Variants in ZNF292 observed in about 807,000 individuals in gnomAD.
ZNF292 encodes 16 zinc-finger domain protein.
ZNF292 carries 26 observed loss-of-function variants against 217.9 expected under a neutral mutation model. That is an observed-to-expected ratio of 0.12 (90% CI 0.09 to 0.17). The LOEUF (loss-of-function observed/expected upper bound fraction) is 0.17, where lower values mean the gene tolerates loss of function less well. Ranked by LOEUF, ZNF292 falls within the 10% of genes least tolerant of loss-of-function variation. ZNF292 has a pLI of 1.00. For synonymous variants in ZNF292, 1,257 were observed against 1,124.1 expected (o/e 1.12, Z -2.37); for missense variants, 2,904 against 3,175.2 (o/e 0.91, Z 2.05).
At chr6:87,252,308 C>T (rs1401033125) in intron 7 of ZNF292, among the ~76,000 whole-genome samples, 2 of 151,900 alleles carry the variant, frequency 1.3e-5, no homozygotes, top group Non-Finnish European at 2.9e-5. Flanking sequence ...CCCGCCACCA[C>T]GCCTGGCTAA....
chr6:87,173,997 GT>G (rs1276937356), intron 1 of ZNF292: 3 of 266,822 alleles, frequency 1.1e-5, no homozygotes, highest in African/African-American at 4.7e-5. Context: ...CTGCTTCAAT[GT>G]TAAGATTAAT....
chr6:87,185,714 C>T (rs1245867431), intron 1 of ZNF292, among the ~76,000 whole-genome samples: 2 of 152,192 alleles, frequency 1.3e-5, no homozygotes, highest in African/African-American at 2.4e-5. Context: ...AGCGATCTAC[C>T]CACTTCAGCT....
chr6:87,210,021 C>G (rs181374975), intron 1 of ZNF292, among the ~76,000 whole-genome samples: 8 of 152,298 alleles, frequency 5.3e-5, no homozygotes, highest in African/African-American at 1.9e-4. Flanking sequence ...GTAATTTAAT[C>G]CCCATGTTTA....
chr6:87,237,252 G>GT (rs924067991), intron 5 of ZNF292, among the ~76,000 whole-genome samples: 15 of 151,778 alleles, frequency 9.9e-5, no homozygotes, highest in Non-Finnish European at 2.1e-4. Context: ...TTGTTTGTTT[G>GT]TTTTTTTGGA....
chr6:87,233,696 ATTATATG>A, intron 5 of ZNF292, 169 bp downstream of exon 5: 1 of 965,214 alleles, frequency 1.0e-6, no homozygotes, highest in Non-Finnish European at 1.2e-6. Flanking sequence ...AGCTTTTAGA[ATTATATG>A]TAAACTGATT....
In ZNF292 at chr6:87,257,254, A is replaced by G. The variant is rs763512955; in HGVS notation, c.3625A>G (p.Ser1209Gly). ...VSTPLLSSME[S>G]VINPNITSQD... is the part of the protein sequence containing the mutation. ...AACTCCATTGTTGTCCTCAATGGAA[A>G]GTGTCATAAATCCAAATATAACTTC... Residue 1209 changes from serine to glycine, a missense_variant, in exon 8 of 8, where the codon AGT becomes GGT. Around this residue, in one of 15 missense-constraint regions of ZNF292, gnomAD observed 687 missense variants for 623.0 expected, o/e 1.10. Coordinates refer to ENST00000369577, the MANE Select transcript of ZNF292 (RefSeq NM_015021.3). 1.2e-6 allele frequency: 2 copies of G among 1,613,692 alleles called. No individual in the cohort carries two copies. Among genetic ancestry groups the G allele is most frequent in the Non-Finnish European group, 8.5e-7 (1 of 1,179,826 alleles).
intron 7 of ZNF292, among the ~76,000 whole-genome samples, chr6:87,247,254 G>A (rs1487409724): frequency 2.2e-4 from 31 of 140,012 alleles, no homozygotes; most frequent in Admixed American, 1.8e-3. Flanking sequence ...CCTCACCACC[G>A]CCCCCTGCCA....
chr6:87,219,415 C>G (rs1772963814), intron 4 of ZNF292, among the ~76,000 whole-genome samples: 1 of 152,126 alleles, frequency 6.6e-6, no homozygotes, highest in Non-Finnish European at 1.5e-5. Context: ...TGTAATATAT[C>G]TAATGGAAAA....
In ZNF292 at chr6:87,172,550, C is replaced by T. The variant is rs144681716; in HGVS notation, c.168+16791C>T. Among the ~76,000 whole-genome samples, 1,431 of 152,040 alleles carry T rather than the reference C, an allele frequency of 9.4e-3. 19 individuals are homozygous for T. The highest frequency in any genetic ancestry group is 0.033 in the African/African-American group (1,347 of 41,440). On this transcript the variant is annotated intron_variant, in intron 1 of 7. Coordinates refer to ENST00000369577, the MANE Select transcript of ZNF292 (RefSeq NM_015021.3). ...CATTCTAAGTTAAACAATAGAAGTA[C>T]TATAGTAGTCATGATAAAAGGAAAC...
At chr6:87,245,460 C>T in intron 6 of ZNF292, 43 bp from the exon 7 acceptor site, 1 of 1,402,436 alleles carries the variant, frequency 7.1e-7, no homozygotes, top group African/African-American at 1.5e-5. Context: ...TGATTATTAC[C>T]TTACTGCTCC....
intron 7 of ZNF292, among the ~76,000 whole-genome samples, chr6:87,247,320 C>G (rs879452372): frequency 4.1e-5 from 6 of 146,556 alleles, no homozygotes; most frequent in Non-Finnish European, 9.0e-5. Flanking sequence ...TGCACAATCA[C>G]TACATGAAGC....
chr6:87,156,060 G>A (rs1770521734), intron 1 of ZNF292, among the ~76,000 whole-genome samples: 1 of 152,266 alleles, frequency 6.6e-6, no homozygotes, highest in South Asian at 2.1e-4. Context: ...ACACGGTGCG[G>A]ATTGGAGAGA....
At position 87,221,955 on chromosome 6, in the gene ZNF292, CAATG is replaced by C. The variant is rs570612325; in HGVS notation, c.538+3226_538+3229del. Among the ~76,000 whole-genome samples the C allele has an allele frequency of 3.6e-3, 549 of 152,186 alleles. 2 individuals are homozygous for C. Among genetic ancestry groups the C allele is most frequent in the African/African-American group, 0.013 (528 of 41,528 alleles). On this transcript the variant is annotated intron_variant, in intron 4 of 7. Transcript: ENST00000369577. ...GGGCAGCCATGTAATTCTCACAACT[CAATG>C]AGGTTACTAAAATCATTTAAAATTT... is the stretch of plus-strand genomic sequence containing the variant.
Position 87,261,764 on chromosome 6 carries a change from T to A in ZNF292, c.8135T>A (p.Ile2712Asn), listed in dbSNP as rs375612697. The change falls in exon 8 of 8, where the codon ATC becomes AAC. Residue 2712 changes from isoleucine to asparagine, a missense_variant. Coordinates refer to ENST00000369577, the MANE Select transcript of ZNF292 (RefSeq NM_015021.3). The stretch of plus-strand genomic sequence containing the variant: ...CCAGATATGTCTGTTATGAAAGATA[T>A]CAGTATAGGTAAAGCCACAGGCAGA... ...NDPDMSVMKD[I>N]SIGKATGRGQ... 1 of 1,612,642 alleles carries A rather than the reference T, an allele frequency of 6.2e-7. No homozygotes were observed. Among genetic ancestry groups the A allele is most frequent in the African/African-American group, 1.3e-5 (1 of 74,950 alleles).
At chr6:87,218,549 T>C in intron 3 of ZNF292, 47 bp from the exon 4 acceptor site, 1 of 1,471,950 alleles carries the variant, frequency 6.8e-7, no homozygotes, top group Non-Finnish European at 9.0e-7. Flanking sequence ...TAAGCTTGCT[T>C]TTAAAAATCT....
At position 87,221,358 on chromosome 6, in the gene ZNF292, C is replaced by A. The variant is rs533586137; in HGVS notation, c.538+2627C>A. 6.3e-4 allele frequency among the ~76,000 whole-genome samples: 96 copies of A among 152,252 alleles called. 1 individual carries two copies. The South Asian group carries it at 0.017, about 27-fold the overall frequency. ...TGGGATTGGAAAGGTGCTTAATGCT[C>A]AATTATTTGTTACTCAATTTTAATT... is the stretch of plus-strand genomic sequence containing the variant. On this transcript the variant is annotated intron_variant, in intron 4 of 7. Transcript: ENST00000369577.
rs760935566 is a variant in ZNF292, at chr6:87,259,742, T to C, written c.6113T>C (p.Val2038Ala). The C allele has an allele frequency of 6.2e-7, 1 of 1,603,582 alleles. No individual in the cohort carries two copies. The highest frequency in any genetic ancestry group is 8.5e-7 in the Non-Finnish European group (1 of 1,174,904). Reference sequence around the variant, plus strand: ...CAAAATACCCACAGTAATGTAGCAGTGATCCCAGAAAAACAACTTGTAGAA... The same window carrying C: ...CAAAATACCCACAGTAATGTAGCAGCGATCCCAGAAAAACAACTTGTAGAA... ...ETQNTHSNVAVIPEKQLVEKK... is the reference protein window; with the variant it reads ...ETQNTHSNVAAIPEKQLVEKK... Residue 2038 changes from valine (V) to alanine (A), a missense_variant, in exon 8 of 8, where the codon GTG (valine) becomes GCG (alanine). Physicochemically the swap from Val to Ala is moderately conservative, Grantham distance 64 (BLOSUM62 0). This residue lies in a region of ZNF292 where 261 missense variants were observed against 272.8 expected (regional missense o/e 0.96). Transcript: ENST00000369577.
chr6:87,257,396 A>T lies in ZNF292; in HGVS notation c.3767A>T (p.Asp1256Val), dbSNP rs753893386. 1.2e-6 allele frequency: 2 copies of T among 1,613,518 alleles called. No individual in the cohort carries two copies. The highest frequency in any genetic ancestry group is 2.2e-5 in the East Asian group (1 of 44,884). ...LTKTVLPLNI[D>V]SGSDPFLPLP... ...AAAACAGTTCTGCCTTTGAATATTG[A>T]CAGTGGCTCAGATCCTTTCCTTCCT... is the stretch of plus-strand genomic sequence containing the variant. Residue 1256 changes from aspartate (D) to valine (V), a missense_variant, in exon 8 of 8, where the codon GAC (aspartate) becomes GTC (valine). Physicochemically the swap from Asp to Val is radical, Grantham distance 152. Around this residue, in one of 15 missense-constraint regions of ZNF292, gnomAD observed 687 missense variants for 623.0 expected, o/e 1.10. Coordinates refer to ENST00000369577, the MANE Select transcript of ZNF292 (RefSeq NM_015021.3).
At chr6:87,185,914 A>G (rs1182081924) in intron 1 of ZNF292, among the ~76,000 whole-genome samples, 1 of 152,186 alleles carries the variant, frequency 6.6e-6, no homozygotes, top group East Asian at 1.9e-4. Context: ...CTGCCTGGGT[A>G]CACCTCCCTC....
Sources: gnomAD v4.1 joint callset for allele counts (sites outside exome capture counted in the v4.1 genomes callset) on GRCh38, gnomAD v4.1.1 for gene constraint, gnomAD v4.1.1 regional missense constraint, MANE v1.5 for transcripts, NCBI Gene and HGNC (gene_info 2026-07-23, HGNC 2026-07-21) for gene names.